Variants in KIAA0825 observed in about 807,000 individuals in gnomAD.
KIAA0825 encodes KIAA0825.
Under a neutral mutation model 147.6 loss-of-function variants are expected in KIAA0825, and 119 were observed. The ratio of observed to expected loss-of-function variants is 0.81; its 90% CI spans 0.69 to 0.94. The LOEUF (loss-of-function observed/expected upper bound fraction) is 0.94. Ranked by LOEUF, KIAA0825 falls within the 40% of genes least tolerant of loss-of-function variation. KIAA0825 has a pLI of 0.00. For missense variants in KIAA0825, 1,381 were observed against 1,472.7 expected (o/e 0.94, Z 1.02); for synonymous variants, 470 against 518.1 (o/e 0.91, Z 1.26).
intron 1 of KIAA0825, chr5:94,592,979 C>T (rs1002513957): frequency 2.2e-5 from 13 of 588,050 alleles, no homozygotes; most frequent in East Asian, 3.3e-5. Context: ...GTGGGATGTA[C>T]ATTTAATATA....
chr5:94,545,247 G>A (rs1774123406), intron 2 of KIAA0825, among the ~76,000 whole-genome samples: 1 of 152,124 alleles, frequency 6.6e-6, no homozygotes, highest in Non-Finnish European at 1.5e-5. Context: ...AGGCTGCGGT[G>A]CTCTGGGGTC....
At chr5:94,583,382 C>G (rs551748001) in intron 1 of KIAA0825, among the ~76,000 whole-genome samples, 2 of 152,352 alleles carry the variant, frequency 1.3e-5, no homozygotes, top group East Asian at 1.9e-4. Flanking sequence ...GGGCCCCACA[C>G]CCATGAAGCC....
rs555442059 is a variant in KIAA0825 at position 94,341,833 on chromosome 5, G to A, written c.3710+42535C>T. On this transcript the variant is annotated intron_variant, in intron 20 of 20. Coordinates refer to ENST00000682413, the MANE Select transcript of KIAA0825 (RefSeq NM_001145678.3). ...TTATTTCAATAATCTGGAATAATGG[G>A]GCATTTGAGTGATCAAAAATATATA... Among the ~76,000 whole-genome samples, 5 of 152,042 alleles carry A rather than the reference G, an allele frequency of 3.3e-5. No homozygotes were observed. The South Asian group carries it at 1.0e-3, about 32-fold the overall frequency.
At chr5:94,248,750 A>T (rs1374290567) in intron 20 of KIAA0825, among the ~76,000 whole-genome samples, 1 of 152,122 alleles carries the variant, frequency 6.6e-6, no homozygotes, top group Non-Finnish European at 1.5e-5. Context: ...AGCAGTGTGC[A>T]CTGTGGTGCT....
intron 20 of KIAA0825, among the ~76,000 whole-genome samples, chr5:94,270,167 G>C (rs540253210): frequency 1.1e-4 from 16 of 152,114 alleles, no homozygotes; most frequent in African/African-American, 3.9e-4. Flanking sequence ...GAACAAAACT[G>C]GGGAACTGCA....
Position 94,269,560 on chromosome 5 carries a change from G to T in KIAA0825, c.3710+114808C>A, listed in dbSNP as rs1248574880. Among the ~76,000 whole-genome samples the T allele has an allele frequency of 2.6e-5, 4 of 152,036 alleles. No individual in the cohort carries two copies. In the East Asian group the frequency reaches 7.7e-4, roughly 29 times the overall value. The stretch of plus-strand genomic sequence containing the variant: ...GAAATTAAACAATATGTTTCTGAGG[G>T]ACCAGTGGGTCAATGAAGGAATTAA... On this transcript the variant is annotated intron_variant, in intron 20 of 20. Coordinates refer to ENST00000682413, the MANE Select transcript of KIAA0825 (RefSeq NM_001145678.3).
rs568379455 is a variant in KIAA0825 at position 94,351,328 on chromosome 5, G to A, written c.3710+33040C>T. On this transcript the variant is annotated intron_variant, in intron 20 of 20. Transcript: ENST00000682413. ...CAACTCAACCACTTTTACAATAGCT[G>A]AAAAAACAACAACAACAACAACAAA... Among the ~76,000 whole-genome samples the A allele has an allele frequency of 9.6e-4, 146 of 151,574 alleles. 1 individual carries two copies. Among genetic ancestry groups the A allele is most frequent in the Admixed American group, 2.9e-3 (44 of 15,222 alleles).
intron 20 of KIAA0825, among the ~76,000 whole-genome samples, chr5:94,187,323 T>C (rs143676656): frequency 8.8e-4 from 129 of 145,880 alleles, no homozygotes; most frequent in African/African-American, 3.2e-3. Flanking sequence ...GTTGTGAAAT[T>C]AGGGATGGTG....
chr5:94,177,418 T>C (rs1769205339), intron 20 of KIAA0825, among the ~76,000 whole-genome samples: 1 of 152,110 alleles, frequency 6.6e-6, no homozygotes, highest in African/African-American at 2.4e-5. Context: ...TAATTTGTAG[T>C]CCATTCCCAT....
At chr5:94,451,335 G>A (rs189061068) in intron 13 of KIAA0825, among the ~76,000 whole-genome samples, 3 of 152,054 alleles carry the variant, frequency 2.0e-5, no homozygotes, top group East Asian at 3.8e-4. Flanking sequence ...ATAATGTGCC[G>A]ATGGATATCT....
intron 20 of KIAA0825, among the ~76,000 whole-genome samples, chr5:94,223,477 T>C (rs1340613129): frequency 2.6e-5 from 4 of 152,202 alleles, no homozygotes; most frequent in African/African-American, 4.8e-5. Flanking sequence ...AAGGAATCTG[T>C]TACCTGTTCT....
At chr5:94,263,801 G>C (rs1042193577) in intron 20 of KIAA0825, among the ~76,000 whole-genome samples, 1 of 151,912 alleles carries the variant, frequency 6.6e-6, no homozygotes, top group Non-Finnish European at 1.5e-5. Context: ...GTCCACTTTT[G>C]TAACTACTGT....
At chr5:94,419,308 T>C (rs1753869919) in intron 14 of KIAA0825, among the ~76,000 whole-genome samples, 1 of 152,194 alleles carries the variant, frequency 6.6e-6, no homozygotes. Flanking sequence ...AATTTAATAT[T>C]TTATCCAAAT....
chr5:94,181,960 C>A lies in KIAA0825; in HGVS notation c.3711-27836G>T, dbSNP rs138248086. Among the ~76,000 whole-genome samples, 10 of 152,274 alleles carry A rather than the reference C, an allele frequency of 6.6e-5. No homozygotes were observed. The East Asian group carries it at 1.9e-3, about 29-fold the overall frequency. ...AGGAAACTGCCTTTGTCCCTGCAGTCTAAACCCTGGTTGGATCTCTTTAAT... is the reference window on the plus strand; with the variant it reads ...AGGAAACTGCCTTTGTCCCTGCAGTATAAACCCTGGTTGGATCTCTTTAAT... On this transcript the variant is annotated intron_variant, in intron 20 of 20. Coordinates refer to ENST00000682413, the MANE Select transcript of KIAA0825 (RefSeq NM_001145678.3).
intron 20 of KIAA0825, among the ~76,000 whole-genome samples, chr5:94,187,353 G>T (rs1195583420): frequency 6.8e-6 from 1 of 146,906 alleles, no homozygotes; most frequent in Non-Finnish European, 1.5e-5. Context: ...GTTCATTGGA[G>T]GGAAGGAAAA....
intron 20 of KIAA0825, among the ~76,000 whole-genome samples, chr5:94,283,926 A>G (rs1777562605): frequency 6.6e-6 from 1 of 152,146 alleles, no homozygotes; most frequent in African/African-American, 2.4e-5. Flanking sequence ...TCAAATGTTG[A>G]TATATCTTAA....
intron 12 of KIAA0825, among the ~76,000 whole-genome samples, chr5:94,453,412 C>T (rs568473757): frequency 1.3e-5 from 2 of 151,076 alleles, no homozygotes; most frequent in African/African-American, 4.9e-5. Context: ...GTCTCGAACC[C>T]CTGAACTCAG....
intron 6 of KIAA0825, 97 bp from the exon 7 acceptor site, chr5:94,477,302 A>T (rs1369955985): frequency 1.3e-6 from 1 of 778,988 alleles, no homozygotes; most frequent in African/African-American, 1.8e-5. Context: ...AACTACGTAG[A>T]AAAGTTCTAT....
intron 7 of KIAA0825, among the ~76,000 whole-genome samples, chr5:94,475,988 C>A (rs1436929686): frequency 2.6e-5 from 4 of 152,166 alleles, no homozygotes; most frequent in Admixed American, 2.6e-4. Context: ...CAAGAAAAAA[C>A]AGAATCACAT....
Sources: gnomAD v4.1 joint callset for allele counts (sites outside exome capture counted in the v4.1 genomes callset) on GRCh38, gnomAD v4.1.1 for gene constraint, MANE v1.5 for transcripts, NCBI Gene and HGNC (gene_info 2026-07-23, HGNC 2026-07-21) for gene names.